PPP6R2: variants seen among roughly 807,000 people sequenced by gnomAD.
PPP6R2 encodes the protein serine/threonine-protein phosphatase 6 regulatory subunit 2.
Under a neutral mutation model 100.2 loss-of-function variants are expected in PPP6R2, and 62 were observed. That is an observed-to-expected ratio of 0.62 (90% CI 0.50 to 0.76). The LOEUF is 0.76. Ranked by LOEUF, PPP6R2 falls within the 30% of genes least tolerant of loss-of-function variation. PPP6R2 has a pLI of 0.00. For synonymous variants in PPP6R2, 525 were observed against 514.7 expected (o/e 1.02, Z -0.27); for missense variants, 1,142 against 1,276.3 (o/e 0.89, Z 1.60).
At chr22:50,398,210 C>T (rs1412427786) in intron 3 of PPP6R2, among the ~76,000 whole-genome samples, 12 of 145,916 alleles carry the variant, frequency 8.2e-5, no homozygotes, top group Non-Finnish European at 1.5e-4. Flanking sequence ...CTCACTCTGT[C>T]GCCCAGGCTG....
At chr22:50,430,849 G>A (rs1320324290) in intron 10 of PPP6R2, among the ~76,000 whole-genome samples, 2 of 146,022 alleles carry the variant, frequency 1.4e-5, no homozygotes, top group Non-Finnish European at 3.0e-5. Context: ...ACTCTAGCCT[G>A]GGAGACAAAG....
At chr22:50,366,829 A>G (rs554260123) in intron 1 of PPP6R2, among the ~76,000 whole-genome samples, 2 of 152,244 alleles carry the variant, frequency 1.3e-5, no homozygotes, top group Admixed American at 1.3e-4. Flanking sequence ...GCCAGCCTCC[A>G]CTGCTTCTTC....
rs1569386664 is a variant in PPP6R2, at chr22:50,394,107, CT to C, written c.200del (p.Leu67ArgfsTer19). 6.2e-7 allele frequency: 1 copy of C among 1,614,140 alleles called. No homozygotes were observed. The highest frequency in any genetic ancestry group is 1.7e-5 in the Admixed American group (1 of 60,016). ...GAGCCTCATCACACAGGATCCGCCCCTGGACATGGAGGAGAAGGTCCGCTTC... is the reference window on the plus strand; with the variant it reads ...GAGCCTCATCACACAGGATCCGCCCCGGACATGGAGGAGAAGGTCCGCTTC... ...LVSLITQDPP[L>X]DMEEKVRFKY... On this transcript the variant is annotated frameshift_variant, in exon 3 of 24. Coordinates refer to ENST00000612753, the MANE Select transcript of PPP6R2 (RefSeq NM_001242898.2). LOFTEE classifies it high-confidence loss of function.
In PPP6R2 at chr22:50,352,616, T is replaced by A. The variant is rs540499728; in HGVS notation, c.-148+9066T>A. On this transcript the variant is annotated intron_variant, in intron 1 of 23. Coordinates refer to ENST00000612753, the MANE Select transcript of PPP6R2 (RefSeq NM_001242898.2). ...GGTGCGTGCCTGTAGTCCCAGCTACTCGGGAGGCTGAAGCACAAGAATTGC... is the reference window on the plus strand; with the variant it reads ...GGTGCGTGCCTGTAGTCCCAGCTACACGGGAGGCTGAAGCACAAGAATTGC... Among the ~76,000 whole-genome samples, 7 of 151,874 alleles carry A rather than the reference T, an allele frequency of 4.6e-5. No homozygotes were observed. The South Asian group carries it at 1.5e-3, about 32-fold the overall frequency.
intron 5 of PPP6R2, 39 bp downstream of exon 5, chr22:50,414,728 G>T (rs527836000): frequency 6.3e-7 from 1 of 1,594,662 alleles, no homozygotes; most frequent in Non-Finnish European, 8.5e-7. Flanking sequence ...GAGGGCAGGG[G>T]TGCTGCAGGA....
intron 10 of PPP6R2, among the ~76,000 whole-genome samples, chr22:50,429,262 C>T (rs2062726543): frequency 6.6e-6 from 1 of 152,182 alleles, no homozygotes; most frequent in South Asian, 2.1e-4. Flanking sequence ...AACTCCTGAC[C>T]TCAGGTGATC....
upstream of PPP6R2, among the ~76,000 whole-genome samples, chr22:50,342,168 C>G (rs577082437): frequency 5.3e-5 from 8 of 152,294 alleles, no homozygotes; most frequent in African/African-American, 1.9e-4. Flanking sequence ...CAGCACCTCC[C>G]GCTCCTGCAA....
chr22:50,393,581 G>T, intron 2 of PPP6R2: 1 of 975,830 alleles, frequency 1.0e-6, no homozygotes, highest in South Asian at 4.7e-5. Flanking sequence ...GCCCAGAGGA[G>T]AACCTGGGGA....
chr22:50,429,558 T>G (rs2062777813), intron 10 of PPP6R2, among the ~76,000 whole-genome samples: 1 of 152,228 alleles, frequency 6.6e-6, no homozygotes, highest in Non-Finnish European at 1.5e-5. Flanking sequence ...GGTTTGTAGT[T>G]TTCTTTTCTT....
chr22:50,331,541 T>C, the PPP6R2 span, among the ~76,000 whole-genome samples: 7 of 152,196 alleles, frequency 4.6e-5, no homozygotes, highest in African/African-American at 1.7e-4. Context: ...ATTAATGGTG[T>C]TGAGCATCTT....
At chr22:50,335,270 A>T in the PPP6R2 span, among the ~76,000 whole-genome samples, 1 of 126,664 alleles carries the variant, frequency 7.9e-6, no homozygotes, top group Non-Finnish European at 1.6e-5. Flanking sequence ...TCACCGTGTT[A>T]GCCAGGGTGG....
At chr22:50,422,112 G>A (rs537158368) in intron 8 of PPP6R2, 142 bp from the exon 9 acceptor site, 45 of 1,011,076 alleles carry the variant, frequency 4.5e-5, no homozygotes, top group Non-Finnish European at 5.1e-5. Context: ...GTGTGGAGAC[G>A]CTGGGTAGCT....
intron 1 of PPP6R2, among the ~76,000 whole-genome samples, chr22:50,350,253 G>A (rs1256249888): frequency 1.3e-5 from 2 of 151,846 alleles, no homozygotes; most frequent in African/African-American, 2.4e-5. Flanking sequence ...TTTTTGAGAC[G>A]AAGTTTCCCT....
chr22:50,420,350 G>T (rs1244506721), intron 8 of PPP6R2, among the ~76,000 whole-genome samples: 1 of 152,222 alleles, frequency 6.6e-6, no homozygotes, highest in Non-Finnish European at 1.5e-5. Context: ...TTGCTTGGAG[G>T]TGCTCCTTTG....
the PPP6R2 span, among the ~76,000 whole-genome samples, chr22:50,333,844 T>G: frequency 2.0e-5 from 3 of 151,040 alleles, no homozygotes; most frequent in Non-Finnish European, 4.4e-5. Flanking sequence ...GGCAGCACCG[T>G]TATTTATTGT....
intron 7 of PPP6R2, 63 bp from the exon 8 acceptor site, chr22:50,419,286 T>C: frequency 1.4e-6 from 2 of 1,421,932 alleles, no homozygotes; most frequent in South Asian, 1.2e-5. Flanking sequence ...GGAAGGAGCA[T>C]CCTTGCATCC....
At chr22:50,388,173 A>T (rs1395958149) in intron 2 of PPP6R2, among the ~76,000 whole-genome samples, 2 of 148,994 alleles carry the variant, frequency 1.3e-5, no homozygotes, top group Non-Finnish European at 3.0e-5. Flanking sequence ...AAATTTTTTT[A>T]GGATTAAAAA....
At chr22:50,388,777 C>A (rs936305085) in intron 2 of PPP6R2, among the ~76,000 whole-genome samples, 4 of 151,134 alleles carry the variant, frequency 2.6e-5, no homozygotes, top group Non-Finnish European at 5.9e-5. Context: ...GAGGCTGAGG[C>A]AGGAAAATGG....
intron 2 of PPP6R2, among the ~76,000 whole-genome samples, chr22:50,380,728 G>C (rs1276782397): frequency 6.7e-6 from 1 of 150,004 alleles, no homozygotes; most frequent in Non-Finnish European, 1.5e-5. Context: ...GGTGGCTCAC[G>C]CCTGTAATCC....
Sources: gnomAD v4.1 joint callset for allele counts (sites outside exome capture counted in the v4.1 genomes callset) on GRCh38, gnomAD v4.1.1 for gene constraint, MANE v1.5 for transcripts, NCBI Gene and HGNC (gene_info 2026-07-23, HGNC 2026-07-21) for gene names.